ABCC9: variants seen among roughly 807,000 people sequenced by gnomAD.
ABCC9 encodes ATP binding cassette subfamily C member 9.
Under a neutral mutation model 188.3 loss-of-function variants are expected in ABCC9, and 95 were observed. That is an observed-to-expected ratio of 0.50 (90% CI 0.43 to 0.60). The LOEUF is 0.60. Among genes scored for constraint, ABCC9 ranks in the 20% least tolerant of loss-of-function variants. The pLI is 0.00. For missense variants in ABCC9, 1,102 were observed against 1,876.3 expected, an observed-to-expected ratio of 0.59 and a Z score of 7.62; for synonymous variants, 659 against 652.7, an observed-to-expected ratio of 1.01 and a Z score of -0.15.
intron 22 of ABCC9, among the ~76,000 whole-genome samples, chr12:21,852,755 A>G (rs762493643): frequency 6.6e-6 from 1 of 152,176 alleles, no homozygotes; most frequent in Non-Finnish European, 1.5e-5. Context: ...CTCTTAACCT[A>G]AAATAAAAAT....
intron 7 of ABCC9, among the ~76,000 whole-genome samples, 156 bp downstream of exon 7, chr12:21,915,512 A>ATTTTTTTTT (rs1254915972): frequency 2.6e-3 from 1 of 380 alleles, no homozygotes. Flanking sequence ...ATATATATAT[A>ATTTTTTTTT]TATTTTTTTT....
chr12:21,886,461 C>G (rs1458410463), intron 15 of ABCC9, among the ~76,000 whole-genome samples: 1 of 152,028 alleles, frequency 6.6e-6, no homozygotes, highest in African/African-American at 2.4e-5. Context: ...TTCACAATAT[C>G]CACTGCAACT....
At chr12:21,832,051 T>C (rs963070147) in intron 30 of ABCC9, among the ~76,000 whole-genome samples, 2 of 152,236 alleles carry the variant, frequency 1.3e-5, no homozygotes, top group Non-Finnish European at 2.9e-5. Flanking sequence ...TCTTTCTGCG[T>C]GTTTCTATTT....
chr12:21,863,156 C>T (rs540104995), intron 19 of ABCC9, 102 bp from the exon 20 acceptor site: 2 of 780,286 alleles, frequency 2.6e-6, no homozygotes, highest in Admixed American at 5.3e-5. Flanking sequence ...AGTAAACTAT[C>T]TCAGATACAG....
Position 21,864,468 on chromosome 12 carries a change from T to C in ABCC9, c.2208A>G (p.Glu736=). Reference sequence around the variant, plus strand: ...TGGTTGCTTCAAAAGAAGGCTCAGATTCATTTACACTGCAAGTATGGCAAA... The same window carrying C: ...TGGTTGCTTCAAAAGAAGGCTCAGACTCATTTACACTGCAAGTATGGCAAA... ...EGKVHWSNVN[E]SEPSFEATRS... is the part of the protein sequence containing the mutation. Residue 736 remains glutamate, a synonymous_variant, in exon 19 of 40, where the codon GAA becomes GAG. Coordinates refer to ENST00000261200, the MANE Select transcript of ABCC9 (RefSeq NM_020297.4). 6.3e-7 allele frequency: 1 copy of C among 1,593,800 alleles called. No homozygotes were observed. Among genetic ancestry groups the C allele is most frequent in the Non-Finnish European group, 8.6e-7 (1 of 1,161,736 alleles).
chr12:21,831,550 G>A (rs957565578), intron 30 of ABCC9, among the ~76,000 whole-genome samples: 1 of 151,970 alleles, frequency 6.6e-6, no homozygotes, highest in Non-Finnish European at 1.5e-5. Context: ...AATGCTACAC[G>A]AACATAAAGG....
chr12:21,895,289 C>T lies in ABCC9; in HGVS notation c.1645G>A (p.Ala549Thr), dbSNP rs1045531648. 1.9e-6 allele frequency: 3 copies of T among 1,613,568 alleles called. No individual in the cohort carries two copies. Among genetic ancestry groups the T allele is most frequent in the Non-Finnish European group, 2.5e-6 (3 of 1,179,672 alleles). Residue 549 changes from alanine (A) to threonine (T), a missense_variant, in exon 13 of 40, where the codon GCA (alanine) becomes ACA (threonine). Physicochemically the swap from Ala to Thr is moderately conservative, Grantham distance 58. This residue lies in a region of ABCC9 where 258 missense variants were observed against 325.6 expected (regional missense o/e 0.79). Coordinates refer to ENST00000261200, the MANE Select transcript of ABCC9 (RefSeq NM_020297.4). ...AAGTGTCTTACAGCAAGAACAGCTGCTATGGGAATTGCTGCATTCATGAAG... is the reference window on the plus strand; with the variant it reads ...AAGTGTCTTACAGCAAGAACAGCTGTTATGGGAATTGCTGCATTCATGAAG... ...SIFMNAAIPIAAVLATFVTHA... is the reference protein window; with the variant it reads ...SIFMNAAIPITAVLATFVTHA...
At chr12:21,870,882 A>G (rs1451508778) in intron 18 of ABCC9, among the ~76,000 whole-genome samples, 1 of 152,254 alleles carries the variant, frequency 6.6e-6, no homozygotes, top group Non-Finnish European at 1.5e-5. Flanking sequence ...TAGGTTATAA[A>G]GAATATTTTC....
chr12:21,889,527 C>T (rs1282288519), intron 14 of ABCC9, among the ~76,000 whole-genome samples: 1 of 152,196 alleles, frequency 6.6e-6, no homozygotes, highest in Non-Finnish European at 1.5e-5. Flanking sequence ...AAGCCAGTCT[C>T]ATCTGCCTTT....
At chr12:21,823,479 G>A (rs538912882) in intron 31 of ABCC9, among the ~76,000 whole-genome samples, 1 of 152,214 alleles carries the variant, frequency 6.6e-6, no homozygotes, top group African/African-American at 2.4e-5. Flanking sequence ...CCTGTCTGTC[G>A]TTGAATTGTG....
At position 21,852,182 on chromosome 12, in the gene ABCC9, G is replaced by T; in HGVS notation, c.2684C>A (p.Thr895Asn). The T allele has an allele frequency of 6.2e-7, 1 of 1,613,688 alleles. No homozygotes were observed. The highest frequency in any genetic ancestry group is 1.1e-5 in the South Asian group (1 of 91,054). ...MKDGSVLREG[T>N]LKDIQTKDVE... is the part of the protein sequence containing the mutation. ...ATCTTTGGTTTGAATGTCCTTCAAA[G>T]TTCCTTCTCTTAGGACACTTCCATC... Residue 895 changes from threonine (T) to asparagine (N), a missense_variant, in exon 24 of 40, where the codon ACT becomes AAT. Around this residue, in one of 12 missense-constraint regions of ABCC9, gnomAD observed 131 missense variants for 170.2 expected, o/e 0.77. Transcript: ENST00000261200.
At chr12:21,806,785 T>C (rs961589389) in intron 38 of ABCC9, among the ~76,000 whole-genome samples, 20 of 152,230 alleles carry the variant, frequency 1.3e-4, no homozygotes, top group African/African-American at 4.8e-4. Context: ...ACATTTTCCC[T>C]ACTCAATCAC....
At chr12:21,892,220 G>A (rs704214) in intron 14 of ABCC9, among the ~76,000 whole-genome samples, 151,807 of 152,286 alleles carry the variant, frequency 1, 75,666 homozygotes, top group Middle Eastern at 1. Context: ...TTATTACCAC[G>A]GAATTGTATA....
intron 29 of ABCC9, among the ~76,000 whole-genome samples, chr12:21,838,760 G>T (rs1051477964): frequency 5.1e-4 from 77 of 152,284 alleles, no homozygotes; most frequent in African/African-American, 1.7e-3. Context: ...CTGGCCAGGT[G>T]CGGTGGCTCA....
chr12:21,843,734 T>C (rs1212897526), intron 28 of ABCC9, among the ~76,000 whole-genome samples: 1 of 152,184 alleles, frequency 6.6e-6, no homozygotes, highest in East Asian at 1.9e-4. Flanking sequence ...GTGTATTCCT[T>C]AGAAAGGTTT....
chr12:21,930,647 A>G (rs1356127268), intron 4 of ABCC9, among the ~76,000 whole-genome samples: 2 of 152,248 alleles, frequency 1.3e-5, no homozygotes, highest in Non-Finnish European at 2.9e-5. Flanking sequence ...CAATATGTGC[A>G]AACGTGCACA....
intron 39 of ABCC9, chr12:21,805,158 A>G: frequency 6.2e-7 from 1 of 1,613,986 alleles, no homozygotes. Flanking sequence ...GACTTGGTGC[A>G]ATAGATCATG....
intron 2 of ABCC9, 72 bp downstream of exon 2, chr12:21,940,638 G>A (rs1018230869): frequency 1.2e-4 from 19 of 152,128 alleles, no homozygotes; most frequent in Admixed American, 1.2e-3. Context: ...TACTCAGTAG[G>A]TATTCCTTAG....
intron 17 of ABCC9, 40 bp from the exon 18 acceptor site, chr12:21,872,770 G>T: frequency 7.1e-7 from 1 of 1,408,608 alleles, no homozygotes; most frequent in Non-Finnish European, 1.0e-6. Flanking sequence ...GAATGAGATG[G>T]ATTCTTGGTG....
Sources: allele counts gnomAD v4.1 joint callset (sites outside exome capture counted in the v4.1 genomes callset), GRCh38; gene constraint gnomAD v4.1.1; regional missense constraint gnomAD v4.1.1; transcripts MANE v1.5; gene names NCBI Gene and HGNC (gene_info 2026-07-23, HGNC 2026-07-21).